The following OR6N1 variants were observed in gnomAD, a reference collection of about 807,000 sequenced individuals.
The protein encoded by OR6N1 is olfactory receptor 6N1.
For synonymous variants in OR6N1, 170 were observed against 150.7 expected, an observed-to-expected ratio of 1.13 and a Z score of -0.94; for missense variants, 394 against 371.7, an observed-to-expected ratio of 1.06 and a Z score of -0.49.
At chr1:158,803,987 C>T in the OR6N1 span, among the ~76,000 whole-genome samples, 2 of 152,118 alleles carry the variant, frequency 1.3e-5, no homozygotes, top group African/African-American at 4.8e-5. Flanking sequence ...TACTGTGACA[C>T]CAGTTTTTAA....
the OR6N1 span, among the ~76,000 whole-genome samples, chr1:158,832,368 A>G: frequency 6.6e-6 from 1 of 151,834 alleles, no homozygotes; most frequent in Non-Finnish European, 1.5e-5. Context: ...TATGTTTGAA[A>G]AATCTAAATC....
In OR6N1 at chr1:158,765,218, T is replaced by C. The variant is rs1045960194; in HGVS notation, c.*526A>G. On this transcript the variant is annotated 3_prime_UTR_variant, in exon 2 of 2. Transcript: ENST00000641846. ...TTAAGACTCAGAGATGCTAAGTTACTTTCTAAAGATTAAGTAATTAGCAAG... is the reference window on the plus strand; with the variant it reads ...TTAAGACTCAGAGATGCTAAGTTACCTTCTAAAGATTAAGTAATTAGCAAG... The C allele has an allele frequency of 1.3e-5, 2 of 152,220 alleles. No homozygotes were observed. Among genetic ancestry groups the C allele is most frequent in the Non-Finnish European group, 2.9e-5 (2 of 68,082 alleles). 9.4% of individuals were successfully genotyped at this position (152,220 alleles called of 1,614,324 possible). A position where few individuals can be genotyped will look rare whatever the true frequency, so the allele number is the denominator to read the frequency against.
upstream of OR6N1, chr1:158,775,184 A>T (rs972008873): frequency 6.6e-6 from 1 of 152,250 alleles, no homozygotes; most frequent in Non-Finnish European, 1.5e-5. Flanking sequence ...GAGAAGCAAA[A>T]CATACTTCAG....
chr1:158,804,534 T>C, the OR6N1 span, among the ~76,000 whole-genome samples: 3 of 152,224 alleles, frequency 2.0e-5, no homozygotes, highest in African/African-American at 4.8e-5. Flanking sequence ...ATAAAAGTAG[T>C]ATTCAGCATG....
the OR6N1 span, among the ~76,000 whole-genome samples, chr1:158,818,356 C>T: frequency 3.5e-4 from 54 of 152,152 alleles, no homozygotes; most frequent in Non-Finnish European, 7.3e-4. Flanking sequence ...ATTAAATTAA[C>T]TTGCTGAGGG....
chr1:158,824,387 C>T, the OR6N1 span, among the ~76,000 whole-genome samples: 1 of 152,110 alleles, frequency 6.6e-6, no homozygotes, highest in Non-Finnish European at 1.5e-5. Context: ...GTATAAATTA[C>T]CCAGTCTTGG....
chr1:158,782,073 C>G, the OR6N1 span, among the ~76,000 whole-genome samples: 2 of 152,164 alleles, frequency 1.3e-5, no homozygotes, highest in Non-Finnish European at 2.9e-5. Flanking sequence ...AGGAGCATAA[C>G]CAAGGTCACA....
chr1:158,789,616 C>G, the OR6N1 span, among the ~76,000 whole-genome samples: 2 of 152,224 alleles, frequency 1.3e-5, no homozygotes, highest in South Asian at 2.1e-4. Flanking sequence ...TCTATAACTC[C>G]TAGCCATTAT....
At chr1:158,826,331 A>G in the OR6N1 span, among the ~76,000 whole-genome samples, 2 of 152,282 alleles carry the variant, frequency 1.3e-5, no homozygotes, top group Non-Finnish European at 2.9e-5. Flanking sequence ...TAAAGATGGA[A>G]ACTTTAAAAG....
the OR6N1 span, among the ~76,000 whole-genome samples, chr1:158,806,231 T>C: frequency 1.6e-3 from 237 of 152,246 alleles, 1 homozygote; most frequent in Non-Finnish European, 1.8e-3. Flanking sequence ...ACCATGTATT[T>C]GGGAAACAGC....
the OR6N1 span, among the ~76,000 whole-genome samples, chr1:158,814,227 T>C: frequency 0.12 from 17,601 of 152,130 alleles, 1,360 homozygotes; most frequent in South Asian, 0.31. Flanking sequence ...GCAGAGTTTG[T>C]GATTTTAATA....
chr1:158,797,909 TG>T, the OR6N1 span, among the ~76,000 whole-genome samples: 1 of 152,152 alleles, frequency 6.6e-6, no homozygotes, highest in Non-Finnish European at 1.5e-5. Flanking sequence ...AAGCTGCCAC[TG>T]ATGTTTTCTT....
chr1:158,832,567 T>C, the OR6N1 span, among the ~76,000 whole-genome samples: 19 of 151,406 alleles, frequency 1.3e-4, no homozygotes, highest in Middle Eastern at 4.7e-3. Flanking sequence ...AAAACTTCTA[T>C]ATGCTACTTT....
At chr1:158,775,742 GAA>G (rs1657575644), upstream of OR6N1, 1 of 150,780 alleles carries the variant, frequency 6.6e-6, no homozygotes, top group Non-Finnish European at 1.5e-5. Context: ...TATATTTTGT[GAA>G]AAGATTGTTG....
the OR6N1 span, chr1:158,777,328 A>C: frequency 6.2e-7 from 1 of 1,614,152 alleles, no homozygotes; most frequent in Non-Finnish European, 8.5e-7. Context: ...GGAGTGGAAG[A>C]AGTAGGTCTG....
rs184005205 is a variant in OR6N1, at chr1:158,768,554, C to T, written c.-18-1854G>A. On this transcript the variant is annotated intron_variant, in intron 1 of 1. Transcript: ENST00000641846. ...GACTCCTAACAGATCTCCCTACTTG[C>T]ATTTGTTCACTTGTAGCCTCATCTC... Among the ~76,000 whole-genome samples, 155 of 152,160 alleles carry T rather than the reference C, an allele frequency of 1.0e-3. 1 individual carries two copies. Among genetic ancestry groups the T allele is most frequent in the Non-Finnish European group, 1.6e-3 (108 of 68,018 alleles).
chr1:158,822,054 A>G, the OR6N1 span, among the ~76,000 whole-genome samples: 1 of 151,836 alleles, frequency 6.6e-6, no homozygotes, highest in Non-Finnish European at 1.5e-5. Context: ...TCATATGCTT[A>G]TTTGTCATTT....
At chr1:158,839,010 CT>C in the OR6N1 span, among the ~76,000 whole-genome samples, 1 of 152,048 alleles carries the variant, frequency 6.6e-6, no homozygotes, top group African/African-American at 2.4e-5. Flanking sequence ...ACCTATTTTC[CT>C]TTAACTCATT....
upstream of OR6N1, among the ~76,000 whole-genome samples, chr1:158,772,389 TACA>T (rs998993159): frequency 6.6e-6 from 1 of 152,150 alleles, no homozygotes; most frequent in Non-Finnish European, 1.5e-5. Context: ...TATTAGTTAC[TACA>T]ACAATAACTA....
Sources: allele counts gnomAD v4.1 joint callset (sites outside exome capture counted in the v4.1 genomes callset), GRCh38; gene constraint gnomAD v4.1.1; transcripts MANE v1.5; gene names NCBI Gene and HGNC (gene_info 2026-07-23, HGNC 2026-07-21).